KAT5: variants seen among roughly 807,000 people sequenced by gnomAD.
KAT5 encodes lysine acetyltransferase 5.
KAT5 carries 31 observed loss-of-function variants against 68.1 expected under a neutral mutation model. That is an observed-to-expected ratio of 0.46 (90% CI 0.34 to 0.61). The LOEUF (loss-of-function observed/expected upper bound fraction) is 0.61. KAT5 is among the 20% of genes least tolerant of loss of function. KAT5 has a pLI of 0.01. For synonymous variants in KAT5, 365 were observed against 292.6 expected, an observed-to-expected ratio of 1.25 and a Z score of -2.52; for missense variants, 451 against 725.5, an observed-to-expected ratio of 0.62 and a Z score of 4.35.
In KAT5 at chr11:65,719,261, C is replaced by G; in HGVS notation, c.*80C>G. 5 of 1,518,336 alleles carry G rather than the reference C, an allele frequency of 3.3e-6. No individual in the cohort carries two copies. Among genetic ancestry groups the G allele is most frequent in the Non-Finnish European group, 4.5e-6 (5 of 1,113,776 alleles). The allele number at this position is 1,518,336 out of a possible 1,614,324, so 94.1% of individuals were successfully genotyped here. A position where few individuals can be genotyped will look rare whatever the true frequency, so the allele number is the denominator to read the frequency against. ...CACCCCGCCCCCACTGCAGCTCCCA[C>G]AAAGCACTCTAAGGGAGATGGGGCT... On this transcript the variant is annotated 3_prime_UTR_variant, in exon 13 of 13. Transcript: ENST00000341318.
chr11:65,714,384 C>A (rs891301118), intron 6 of KAT5, 111 bp from the exon 7 acceptor site: 1 of 1,225,120 alleles, frequency 8.2e-7, no homozygotes, highest in African/African-American at 1.5e-5. Flanking sequence ...CATGGTACCT[C>A]CCCCTTAGGG....
chr11:65,717,089 T>C, intron 10 of KAT5, 107 bp downstream of exon 10: 1 of 882,652 alleles, frequency 1.1e-6, no homozygotes, highest in Non-Finnish European at 1.9e-6. Flanking sequence ...CAGCCCAGCC[T>C]CTAGGGGAAC....
chr11:65,713,549 C>A, intron 4 of KAT5, 44 bp from the exon 5 acceptor site: 8 of 1,614,122 alleles, frequency 5.0e-6, no homozygotes, highest in Non-Finnish European at 6.8e-6. Flanking sequence ...TCAGGTCCCA[C>A]CTTCTCTACC....
chr11:65,714,393 G>C, intron 6 of KAT5, 102 bp from the exon 7 acceptor site: 2 of 1,344,338 alleles, frequency 1.5e-6, no homozygotes, highest in Non-Finnish European at 2.1e-6. Context: ...TCCCCCTTAG[G>C]GTTGCTGTTA....
In KAT5 at chr11:65,718,621, A is replaced by G. The variant is rs11227272; in HGVS notation, c.1296A>G (p.Thr432=). 1,137 of 1,614,220 alleles carry G rather than the reference A, an allele frequency of 7.0e-4. 2 individuals are homozygous for G. Among genetic ancestry groups the G allele is most frequent in the Admixed American group, 6.5e-4 (39 of 60,028 alleles). ...SYELSKVEGK[T]GTPEKPLSDL... is the part of the protein sequence containing the mutation. The stretch of plus-strand genomic sequence containing the variant: ...AACTCTCCAAAGTGGAAGGGAAAAC[A>G]GGGACCCCTGAGAAGCCCCTCTCAG... The change falls in exon 11 of 13, where the codon ACA becomes ACG. Residue 432 remains threonine (T), a synonymous_variant. Transcript: ENST00000341318.
chr11:65,713,157 C>A, intron 3 of KAT5, 99 bp downstream of exon 3: 2 of 1,485,620 alleles, frequency 1.3e-6, no homozygotes, highest in South Asian at 1.2e-5. Flanking sequence ...GGCTCCCTCT[C>A]ACCCTGACTT....
chr11:65,716,641 G>T (rs753677721), intron 8 of KAT5, 26 bp from the exon 9 acceptor site: 1 of 1,609,746 alleles, frequency 6.2e-7, no homozygotes, highest in Non-Finnish European at 8.5e-7. Flanking sequence ...GATACCCAGA[G>T]TGGTGACAAG....
chr11:65,713,310 C>A (rs756961506), intron 3 of KAT5, 38 bp from the exon 4 acceptor site: 1 of 1,602,352 alleles, frequency 6.2e-7, no homozygotes, highest in South Asian at 1.1e-5. Flanking sequence ...CCACTGCCAT[C>A]CCCGCCCCAA....
chr11:65,712,532 G>A (rs1263493033), intron 1 of KAT5, 87 bp downstream of exon 1: 1 of 1,461,534 alleles, frequency 6.8e-7, no homozygotes. Flanking sequence ...GGGGCGTCTG[G>A]AATTATGGGG....
chr11:65,719,573 T>C lies in KAT5; in HGVS notation c.*392T>C, dbSNP rs1193261582. 1 of 651,014 alleles carries C rather than the reference T, an allele frequency of 1.5e-6. No homozygotes were observed. The highest frequency in any genetic ancestry group is 1.8e-5 in the African/African-American group (1 of 54,914). 40.3% of individuals were successfully genotyped at this position (651,014 alleles called of 1,614,324 possible). On this transcript the variant is annotated 3_prime_UTR_variant, in exon 13 of 13. Transcript: ENST00000341318. ...AATTTCTGGCTTCTCTTACCCCTAT[T>C]GCCCCCGGCAATAAATTGTTTCTAT...
At chr11:65,713,952 G>C (rs891515595) in intron 6 of KAT5, 104 bp downstream of exon 6, 4 of 1,049,854 alleles carry the variant, frequency 3.8e-6, no homozygotes, top group Non-Finnish European at 5.7e-6. Flanking sequence ...AGGGGTGGTG[G>C]GCAGAGCTAG....
chr11:65,718,355 C>T (rs1245356433), intron 10 of KAT5: 9 of 487,326 alleles, frequency 1.8e-5, no homozygotes, highest in Non-Finnish European at 3.3e-5. Context: ...TCATGGTTGA[C>T]TGCAGCTGCT....
intron 4 of KAT5, 23 bp from the exon 5 acceptor site, chr11:65,713,570 C>G (rs748053330): frequency 6.2e-7 from 1 of 1,614,076 alleles, no homozygotes; most frequent in African/African-American, 1.3e-5. Context: ...TTCTGACCCA[C>G]CTTTGTTGGT....
rs1857042976 is a variant in KAT5 at position 65,712,264 on chromosome 11, G to A, written c.-4G>A. 1.4e-6 allele frequency: 2 copies of A among 1,414,790 alleles called. No homozygotes were observed. The highest frequency in any genetic ancestry group is 9.2e-7 in the Non-Finnish European group (1 of 1,085,196). 87.6% of individuals were successfully genotyped at this position (1,414,790 alleles called of 1,614,324 possible). On this transcript the variant is annotated 5_prime_UTR_variant, in exon 1 of 13. Coordinates refer to ENST00000341318, the MANE Select transcript of KAT5 (RefSeq NM_182710.3). ...GGCCGGAAGTGGCAGTGGAGGGAGG[G>A]AAGATGGCGGAGGTGGTGAGTCCGG...
chr11:65,716,268 A>G (rs1297116320), intron 8 of KAT5: 2 of 188,234 alleles, frequency 1.1e-5, no homozygotes, highest in African/African-American at 4.7e-5. Context: ...GTCAGTGGTC[A>G]GAGTCTCACT....
chr11:65,719,603 C>A lies in KAT5; in HGVS notation c.*422C>A. 1 of 727,490 alleles carries A rather than the reference C, an allele frequency of 1.4e-6. No individual in the cohort carries two copies. 45.1% of individuals were successfully genotyped at this position (727,490 alleles called of 1,614,324 possible). ...CCGGCAATAAATTGTTTCTATATGC[C>A]AGAGCCATGCAAAGTTCTTGGTGGG... On this transcript the variant is annotated 3_prime_UTR_variant, in exon 13 of 13. Transcript: ENST00000341318.
At chr11:65,715,050 A>G (rs1857148810) in intron 8 of KAT5, 140 bp downstream of exon 8, 5 of 720,212 alleles carry the variant, frequency 6.9e-6, no homozygotes, top group Non-Finnish European at 1.2e-5. Flanking sequence ...AGGTGCTGGT[A>G]GCCAGGAATG....
intron 5 of KAT5, 33 bp from the exon 6 acceptor site, chr11:65,713,741 C>A: frequency 6.2e-7 from 1 of 1,613,496 alleles, no homozygotes; most frequent in Non-Finnish European, 8.5e-7. Context: ...GCTCATTTCA[C>A]AGCCATCCCT....
chr11:65,716,514 C>T (rs1395855171), intron 8 of KAT5, 153 bp from the exon 9 acceptor site: 9 of 686,560 alleles, frequency 1.3e-5, no homozygotes, highest in Non-Finnish European at 2.3e-5. Flanking sequence ...AAGCTGCGGG[C>T]TGGTGGAGTG....
Sources: gnomAD v4.1 joint callset for allele counts on GRCh38, gnomAD v4.1.1 for gene constraint, MANE v1.5 for transcripts, NCBI Gene and HGNC (gene_info 2026-07-23, HGNC 2026-07-21) for gene names.